Variants in PTPRM observed in about 807,000 individuals in gnomAD.
The protein encoded by PTPRM is receptor-type tyrosine-protein phosphatase mu.
A neutral mutation model predicts 186.7 loss-of-function variants in PTPRM; 47 were observed. That is an observed-to-expected ratio of 0.25 (90% confidence interval 0.20 to 0.32). The LOEUF (loss-of-function observed/expected upper bound fraction) is 0.32, where lower values mean the gene tolerates loss of function less well. Ranked by LOEUF, PTPRM falls within the 10% of genes least tolerant of loss-of-function variation. PTPRM has a pLI of 1.00. For synonymous variants in PTPRM, 668 were observed against 674.9 expected (o/e 0.99, Z 0.16); for missense variants, 1,494 against 1,865.0 (o/e 0.80, Z 3.66).
chr18:7,870,878 G>T (rs540805239), intron 2 of PTPRM, among the ~76,000 whole-genome samples: 1 of 152,298 alleles, frequency 6.6e-6, no homozygotes, highest in African/African-American at 2.4e-5. Context: ...CTCTCTGGCA[G>T]TTAACTCTCA....
chr18:7,934,811 C>T (rs1405690550), intron 5 of PTPRM, among the ~76,000 whole-genome samples: 1 of 151,982 alleles, frequency 6.6e-6, no homozygotes, highest in East Asian at 1.9e-4. Flanking sequence ...GAACCCAGGC[C>T]GTCTATGTTG....
rs370259037 is a variant in PTPRM, at chr18:8,326,917, A to G, written c.2956+7703A>G. Among the ~76,000 whole-genome samples the G allele has an allele frequency of 1.5e-3, 234 of 152,348 alleles. 8 individuals are homozygous for G. In the South Asian group the frequency reaches 0.043, roughly 28 times the overall value. ...AAGGGGCCTTTTCTTTTTAATACCCAGTAAGTTGCCCATTTACAAAATAAT... is the reference window on the plus strand; with the variant it reads ...AAGGGGCCTTTTCTTTTTAATACCCGGTAAGTTGCCCATTTACAAAATAAT... On this transcript the variant is annotated intron_variant, in intron 22 of 32. Coordinates refer to ENST00000580170, the MANE Select transcript of PTPRM (RefSeq NM_001105244.2).
chr18:7,867,562 G>C (rs1390831711), intron 2 of PTPRM, among the ~76,000 whole-genome samples: 1 of 152,318 alleles, frequency 6.6e-6, no homozygotes, highest in Non-Finnish European at 1.5e-5. Context: ...TCTGCTGAGA[G>C]ATCTGCTGTT....
chr18:7,769,645 T>C (rs2144874975), intron 1 of PTPRM, among the ~76,000 whole-genome samples: 1 of 152,294 alleles, frequency 6.6e-6, no homozygotes, highest in South Asian at 2.1e-4. Flanking sequence ...TTTCCTTGCC[T>C]TTTAACTTAT....
chr18:8,314,948 A>C, intron 21 of PTPRM, 91 bp downstream of exon 21: 1 of 791,984 alleles, frequency 1.3e-6, no homozygotes, highest in Non-Finnish European at 2.0e-6. Context: ...ACAATGCATA[A>C]TGATTAAATC....
At chr18:7,710,925 C>T (rs1275360236) in intron 1 of PTPRM, among the ~76,000 whole-genome samples, 3 of 152,260 alleles carry the variant, frequency 2.0e-5, no homozygotes, top group East Asian at 1.9e-4. Flanking sequence ...TGGAAACACC[C>T]ATGCTCATGG....
intron 7 of PTPRM, among the ~76,000 whole-genome samples, chr18:7,966,561 G>C (rs1164072858): frequency 2.0e-5 from 3 of 149,068 alleles, no homozygotes; most frequent in African/African-American, 7.4e-5. Flanking sequence ...CATCTCACTA[G>C]GGAGTGCCAG....
Position 7,987,547 on chromosome 18 carries a change from A to G in PTPRM, c.1132+32133A>G, listed in dbSNP as rs992664643. Among the ~76,000 whole-genome samples, 3 of 152,106 alleles carry G rather than the reference A, an allele frequency of 2.0e-5. No homozygotes were observed. The South Asian group carries it at 6.2e-4, about 31-fold the overall frequency. On this transcript the variant is annotated intron_variant, in intron 7 of 32. Transcript: ENST00000580170. ...ATCTGCGGTGAGTGGAGACAAACCT[A>G]CAGCAAACCGATCTCTGTTATTCTC... is the stretch of plus-strand genomic sequence containing the variant.
intron 1 of PTPRM, among the ~76,000 whole-genome samples, chr18:7,710,783 A>C (rs555497687): frequency 2.0e-5 from 3 of 152,238 alleles, no homozygotes; most frequent in African/African-American, 7.2e-5. Flanking sequence ...TCAAGAACTC[A>C]ATCCCTTTTA....
intron 7 of PTPRM, among the ~76,000 whole-genome samples, chr18:8,064,623 CCATTA>C (rs2088908349): frequency 6.6e-6 from 1 of 152,136 alleles, no homozygotes; most frequent in African/African-American, 2.4e-5. Context: ...TGAATTCGTT[CCATTA>C]CATCACCAGT....
chr18:7,621,824 A>G (rs542961144), intron 1 of PTPRM, among the ~76,000 whole-genome samples: 2 of 152,186 alleles, frequency 1.3e-5, no homozygotes, highest in Non-Finnish European at 2.9e-5. Context: ...GTGCCTAATA[A>G]TACTCTCATC....
intron 1 of PTPRM, among the ~76,000 whole-genome samples, chr18:7,742,609 T>G (rs1392060709): frequency 6.6e-6 from 1 of 152,128 alleles, no homozygotes; most frequent in Non-Finnish European, 1.5e-5. Flanking sequence ...CAGGCTGAGG[T>G]GGGAGGATCA....
intron 1 of PTPRM, among the ~76,000 whole-genome samples, chr18:7,680,202 A>G (rs1411083420): frequency 6.6e-6 from 1 of 152,144 alleles, no homozygotes; most frequent in Non-Finnish European, 1.5e-5. Flanking sequence ...TTGAGATACA[A>G]TTGACGGAAG....
At chr18:7,891,097 C>T (rs1266720521) in intron 3 of PTPRM, among the ~76,000 whole-genome samples, 5 of 144,692 alleles carry the variant, frequency 3.5e-5, no homozygotes, top group African/African-American at 8.0e-5. Context: ...GGCAACATGG[C>T]GAAATCCAGT....
chr18:8,401,884 T>A (rs886413560), intron 32 of PTPRM, among the ~76,000 whole-genome samples: 1 of 152,232 alleles, frequency 6.6e-6, no homozygotes, highest in African/African-American at 2.4e-5. Flanking sequence ...GTCAGGGACC[T>A]TGGTGAGGAA....
intron 2 of PTPRM, among the ~76,000 whole-genome samples, chr18:7,849,634 C>A (rs1399595032): frequency 6.6e-6 from 1 of 152,148 alleles, no homozygotes; most frequent in African/African-American, 2.4e-5. Flanking sequence ...TGTTTCTTTG[C>A]AGCTATGATA....
chr18:7,822,153 ACTTTACCT>A (rs2045234103), intron 2 of PTPRM, among the ~76,000 whole-genome samples: 5 of 152,170 alleles, frequency 3.3e-5, no homozygotes, highest in Admixed American at 3.3e-4. Flanking sequence ...TTTAAACTAT[ACTTTACCT>A]CTCTCTGATG....
At chr18:7,940,640 T>G (rs907985669) in intron 5 of PTPRM, among the ~76,000 whole-genome samples, 2 of 150,114 alleles carry the variant, frequency 1.3e-5, no homozygotes, top group African/African-American at 4.9e-5. Flanking sequence ...CATGGCACAG[T>G]GGGACTGGGA....
chr18:8,205,499 G>A (rs1001302056), intron 14 of PTPRM, among the ~76,000 whole-genome samples: 3 of 152,070 alleles, frequency 2.0e-5, no homozygotes, highest in South Asian at 2.1e-4. Context: ...AATTGATCAC[G>A]TACTTTATAA....
Sources: allele counts gnomAD v4.1 joint callset (sites outside exome capture counted in the v4.1 genomes callset), GRCh38; gene constraint gnomAD v4.1.1; transcripts MANE v1.5; gene names NCBI Gene and HGNC (gene_info 2026-07-23, HGNC 2026-07-21).